The following ATP1B4 variants were observed in gnomAD, a reference collection of about 807,000 sequenced individuals.
ATP1B4 encodes ATPase Na+/K+ transporting family member beta 4.
ATP1B4 carries 32 observed loss-of-function variants against 29.6 expected under a neutral mutation model. That is an observed-to-expected ratio of 1.08 (90% confidence interval 0.82 to 1.45). The LOEUF is 1.45. Ranked by LOEUF, ATP1B4 falls within the 40% of genes most tolerant of loss-of-function variation. The pLI is 0.00. For missense variants in ATP1B4, 323 were observed against 276.2 expected, an observed-to-expected ratio of 1.17 and a Z score of -1.20; for synonymous variants, 127 against 102.1, an observed-to-expected ratio of 1.24 and a Z score of -1.47.
intron 4 of ATP1B4, 54 bp from the exon 5 acceptor site, chrX:120,375,318 C>T (rs1236298503): frequency 1.2e-5 from 13 of 1,088,759 alleles, no homozygotes; most frequent in Non-Finnish European, 1.4e-5. Flanking sequence ...AACGCACGGC[C>T]TTCCCCTGTA....
intron 4 of ATP1B4, among the ~76,000 whole-genome samples, chrX:120,375,036 C>T (rs1436799125): frequency 9.4e-6 from 1 of 106,612 alleles, no homozygotes; most frequent in South Asian, 4.1e-4. Flanking sequence ...TACAGTTTAT[C>T]ATGTCTGAAA....
rs759347503 is a variant in ATP1B4 at position 120,362,319 on chromosome X, G to A, written c.63+88G>A. On this transcript the variant is annotated intron_variant, in intron 1 of 7. Coordinates refer to ENST00000218008, the MANE Select transcript of ATP1B4 (RefSeq NM_001142447.3). ...GGGGGCTGTGTAGACCTTGGTTTAC[G>A]GCTGCCTCTCTTTGAGACGGGCAGA... 1.1e-4 allele frequency: 100 copies of A among 882,115 alleles called. No homozygotes were observed. The Middle Eastern group carries it at 2.4e-3, about 21-fold the overall frequency. 72.7% of individuals were successfully genotyped at this position (882,115 alleles called of 1,213,427 possible).
At chrX:120,373,771 T>G (rs776720898) in intron 4 of ATP1B4, among the ~76,000 whole-genome samples, 1 of 111,880 alleles carries the variant, frequency 8.9e-6, no homozygotes, top group South Asian at 3.7e-4. Flanking sequence ...TGACAAGATC[T>G]CATGCCCTCA....
intron 6 of ATP1B4, among the ~76,000 whole-genome samples, chrX:120,377,728 TA>T (rs1444186153): frequency 8.9e-6 from 1 of 111,768 alleles, no homozygotes; most frequent in Non-Finnish European, 1.9e-5. Flanking sequence ...TATGTCCTTT[TA>T]AAAAATATAT....
chrX:120,374,774 A>ATAAT (rs1491167165), intron 4 of ATP1B4, among the ~76,000 whole-genome samples: 2 of 1,192 alleles, frequency 1.7e-3, no homozygotes, highest in Non-Finnish European at 3.1e-3. Context: ...ATATATATAT[A>ATAAT]ATATATATAT....
Position 120,370,831 on chromosome X carries a change from G to A in ATP1B4, c.445G>A (p.Val149Ile), listed in dbSNP as rs1387541503. The A allele has an allele frequency of 8.3e-7, 1 of 1,208,665 alleles. No homozygotes were observed. The highest frequency in any genetic ancestry group is 1.1e-6 in the Non-Finnish European group (1 of 894,787). Reference protein sequence around the residue: ...SPYIPTFTERVKPPGVMIRPF... With the variant: ...SPYIPTFTERIKPPGVMIRPF... ...CTATATACCAACCTTCACGGAGCGG[G>A]TAAAGCCTCCTGGTGAGTGTGCCCA... The change falls in exon 3 of 8, where the codon GTA (valine) becomes ATA (isoleucine). Residue 149 changes from valine to isoleucine, a missense_variant. Physicochemically the swap from Val to Ile is conservative, Grantham distance 29. Coordinates refer to ENST00000218008, the MANE Select transcript of ATP1B4 (RefSeq NM_001142447.3).
intron 4 of ATP1B4, among the ~76,000 whole-genome samples, chrX:120,374,591 T>C (rs2058332631): frequency 1.9e-5 from 1 of 51,914 alleles, no homozygotes; most frequent in East Asian, 3.9e-4. Context: ...ATAATATATA[T>C]ATACCCTTAT....
chrX:120,364,702 A>G (rs947619947), intron 1 of ATP1B4, among the ~76,000 whole-genome samples: 1 of 112,064 alleles, frequency 8.9e-6, no homozygotes, highest in Non-Finnish European at 1.9e-5. Flanking sequence ...CTTGATTATA[A>G]TAAGCACCTA....
chrX:120,371,816 G>C (rs192499955), intron 4 of ATP1B4, among the ~76,000 whole-genome samples: 98 of 111,867 alleles, frequency 8.8e-4, no homozygotes, highest in African/African-American at 2.8e-3. Context: ...CTACATGTGC[G>C]TGCCACCACG....
chrX:120,378,644 C>A, intron 6 of ATP1B4, 34 bp from the exon 7 acceptor site: 1 of 1,139,375 alleles, frequency 8.8e-7, no homozygotes, highest in Non-Finnish European at 1.2e-6. Context: ...ACTCTGTGAC[C>A]CAGCACCCCA....
At chrX:120,369,806 C>T (rs944516938) in intron 2 of ATP1B4, among the ~76,000 whole-genome samples, 10 of 112,048 alleles carry the variant, frequency 8.9e-5, no homozygotes, top group African/African-American at 3.2e-4. Context: ...AGGCTCTGTG[C>T]TATGCTGCTT....
At position 120,377,366 on chromosome X, in the gene ATP1B4, G is replaced by C. The variant is rs184264939; in HGVS notation, c.816+930G>C. Reference sequence around the variant, plus strand: ...CATGTGCTGTGAAAAGTGAAGATGAGCTCTGAAAGGTCAGGCAGTACTTGC... The same window carrying C: ...CATGTGCTGTGAAAAGTGAAGATGACCTCTGAAAGGTCAGGCAGTACTTGC... On this transcript the variant is annotated intron_variant, in intron 6 of 7. Coordinates refer to ENST00000218008, the MANE Select transcript of ATP1B4 (RefSeq NM_001142447.3). Among the ~76,000 whole-genome samples, 51 of 112,538 alleles carry C rather than the reference G, an allele frequency of 4.5e-4. No homozygotes were observed. In the East Asian group the frequency reaches 0.013, roughly 28 times the overall value.
intron 5 of ATP1B4, 41 bp from the exon 6 acceptor site, chrX:120,376,339 T>A: frequency 8.4e-7 from 1 of 1,184,350 alleles, no homozygotes; most frequent in Non-Finnish European, 1.1e-6. Context: ...GTCAAATATG[T>A]TTTGTTAAAA....
intron 7 of ATP1B4, among the ~76,000 whole-genome samples, chrX:120,379,090 G>A (rs2058370274): frequency 9.0e-6 from 1 of 111,594 alleles, no homozygotes; most frequent in Non-Finnish European, 1.9e-5. Flanking sequence ...TACTACCAAT[G>A]TGCTTAAACA....
intron 1 of ATP1B4, among the ~76,000 whole-genome samples, chrX:120,363,235 A>G: frequency 8.9e-6 from 1 of 111,862 alleles, no homozygotes; most frequent in South Asian, 3.7e-4. Context: ...GAAAACACAC[A>G]TTATTCTAAC....
intron 2 of ATP1B4, among the ~76,000 whole-genome samples, chrX:120,368,207 T>C (rs2058295369): frequency 8.9e-6 from 1 of 111,852 alleles, no homozygotes; most frequent in South Asian, 3.8e-4. Flanking sequence ...GGACACAGCA[T>C]GATAGGCCGT....
chrX:120,382,224 C>A lies in ATP1B4; in HGVS notation c.*2590C>A, dbSNP rs2058384005. On this transcript the variant is annotated 3_prime_UTR_variant, in exon 8 of 8. Coordinates refer to ENST00000218008, the MANE Select transcript of ATP1B4 (RefSeq NM_001142447.3). ...CCAGACACCTTCAAAGTCTTATTGA[C>A]ACAGTAAAGGGAGGCCAACCACTAC... is the stretch of plus-strand genomic sequence containing the variant. 9.0e-6 allele frequency: 1 copy of A among 111,265 alleles called. No individual in the cohort carries two copies. Among genetic ancestry groups the A allele is most frequent in the Non-Finnish European group, 1.9e-5 (1 of 53,025 alleles). 9.2% of individuals were successfully genotyped at this position (111,265 alleles called of 1,213,427 possible). A position where few individuals can be genotyped will look rare whatever the true frequency, so the allele number is the denominator to read the frequency against.
At chrX:120,362,448 T>C (rs185526402) in intron 1 of ATP1B4, among the ~76,000 whole-genome samples, 20 of 111,722 alleles carry the variant, frequency 1.8e-4, no homozygotes, top group African/African-American at 5.2e-4. Flanking sequence ...CCCCTCTTCC[T>C]GTGAAACAAA....
chrX:120,368,178 AG>A lies in ATP1B4; in HGVS notation c.328+1390del, dbSNP rs373650379. The stretch of plus-strand genomic sequence containing the variant: ...ATGAGGGAGGAAGGTTCAAGTGCCC[AG>A]AGAAGATATGGCAATAGGGACACAG... On this transcript the variant is annotated intron_variant, in intron 2 of 7. Transcript: ENST00000218008. Among the ~76,000 whole-genome samples, 400 of 112,061 alleles carry A rather than the reference AG, an allele frequency of 3.6e-3. 1 individual carries two copies. Among genetic ancestry groups the A allele is most frequent in the South Asian group, 6.1e-3 (16 of 2,635 alleles).
Sources: allele counts gnomAD v4.1 joint callset (sites outside exome capture counted in the v4.1 genomes callset), GRCh38; gene constraint gnomAD v4.1.1; transcripts MANE v1.5; gene names NCBI Gene and HGNC (gene_info 2026-07-23, HGNC 2026-07-21).